APBB2: variants seen among roughly 807,000 people sequenced by gnomAD.
The protein encoded by APBB2 is amyloid beta precursor protein binding family B member 2, also known as Fe65-like 1.
A neutral mutation model predicts 82.5 loss-of-function variants in APBB2; 38 were observed. The observed-to-expected ratio is 0.46, with a 90% CI of 0.36 to 0.60. APBB2 has a LOEUF of 0.60. APBB2 is among the 20% of genes least tolerant of loss of function. The pLI is 0.00. For synonymous variants in APBB2, 341 were observed against 368.2 expected (o/e 0.93, Z 0.85); for missense variants, 772 against 972.3 (o/e 0.79, Z 2.74).
At chr4:40,829,175 G>T (rs1450130233) in intron 13 of APBB2, among the ~76,000 whole-genome samples, 1 of 152,196 alleles carries the variant, frequency 6.6e-6, no homozygotes, top group Non-Finnish European at 1.5e-5. Context: ...GGGGTGATGT[G>T]GTTGCCAAGA....
intron 1 of APBB2, among the ~76,000 whole-genome samples, chr4:41,183,739 A>T (rs1772072388): frequency 1.3e-5 from 2 of 151,580 alleles, no homozygotes; most frequent in Non-Finnish European, 2.9e-5. Context: ...ACTGTAAAAC[A>T]ATAATTTGTG....
Position 41,036,883 on chromosome 4 carries a change from G to A in APBB2, c.-50-3579C>T, listed in dbSNP as rs562530421. Among the ~76,000 whole-genome samples, 4 of 152,180 alleles carry A rather than the reference G, an allele frequency of 2.6e-5. No individual in the cohort carries two copies. The South Asian group carries it at 8.3e-4, about 32-fold the overall frequency. ...AAACAGTTTCTGAGAGGAACTTAGG[G>A]GCATGGACTAATTCTACATAAACAA... On this transcript the variant is annotated intron_variant, in intron 4 of 17. Coordinates refer to ENST00000508593, the MANE Select transcript of APBB2 (RefSeq NM_004307.2).
chr4:40,894,928 C>T (rs1773245369), intron 10 of APBB2, among the ~76,000 whole-genome samples: 1 of 152,166 alleles, frequency 6.6e-6, no homozygotes, highest in South Asian at 2.1e-4. Flanking sequence ...TGCAAGCTGT[C>T]CAGCAGTTGC....
chr4:41,009,438 T>C (rs1807703502), intron 6 of APBB2, among the ~76,000 whole-genome samples: 2 of 152,136 alleles, frequency 1.3e-5, no homozygotes, highest in South Asian at 4.1e-4. Context: ...ATTGTATACA[T>C]GATTGATTGT....
chr4:41,112,276 T>C (rs1434996877), intron 2 of APBB2, among the ~76,000 whole-genome samples: 1 of 152,182 alleles, frequency 6.6e-6, no homozygotes, highest in African/African-American at 2.4e-5. Flanking sequence ...AATACCAAGT[T>C]ATATTCCCTC....
intron 4 of APBB2, among the ~76,000 whole-genome samples, chr4:41,052,029 T>C (rs1196178820): frequency 6.6e-6 from 1 of 152,176 alleles, no homozygotes; most frequent in Non-Finnish European, 1.5e-5. Flanking sequence ...GTGTTAACTG[T>C]CACCAACATG....
chr4:40,850,286 C>T (rs1758914328), intron 12 of APBB2, among the ~76,000 whole-genome samples: 1 of 152,032 alleles, frequency 6.6e-6, no homozygotes, highest in Non-Finnish European at 1.5e-5. Context: ...TTGTAACACC[C>T]TATTATTATT....
chr4:41,180,220 T>C (rs1770950498), intron 1 of APBB2, among the ~76,000 whole-genome samples: 1 of 152,198 alleles, frequency 6.6e-6, no homozygotes, highest in Non-Finnish European at 1.5e-5. Flanking sequence ...AGGACACAAA[T>C]GCTTTTAAAC....
At chr4:41,017,910 AAT>A (rs1486349572) in intron 5 of APBB2, among the ~76,000 whole-genome samples, 1 of 152,260 alleles carries the variant, frequency 6.6e-6, no homozygotes, top group African/African-American at 2.4e-5. Context: ...AAAATCTTAC[AAT>A]GTTTCTTTAA....
intron 12 of APBB2, among the ~76,000 whole-genome samples, chr4:40,859,287 A>ATTTTTTTTTTTT (rs34512213): frequency 2.1e-5 from 3 of 141,934 alleles, no homozygotes; most frequent in African/African-American, 2.6e-5. Context: ...GGCTGCTGTC[A>ATTTTTTTTTTTT]TTTTTTTTTT....
At chr4:40,941,224 C>T (rs1033783043) in intron 7 of APBB2, among the ~76,000 whole-genome samples, 24 of 151,918 alleles carry the variant, frequency 1.6e-4, no homozygotes, top group Admixed American at 9.8e-4. Context: ...CTTCTTCTGT[C>T]CCTTAAGATT....
chr4:40,894,683 TTTTG>T (rs1773155415), intron 10 of APBB2, among the ~76,000 whole-genome samples: 1 of 152,244 alleles, frequency 6.6e-6, no homozygotes, highest in Non-Finnish European at 1.5e-5. Flanking sequence ...CTTAGAGATA[TTTTG>T]TTTGAGATCA....
At chr4:40,964,682 C>T (rs1428739970) in intron 6 of APBB2, among the ~76,000 whole-genome samples, 2 of 150,482 alleles carry the variant, frequency 1.3e-5, no homozygotes, top group African/African-American at 2.4e-5. Context: ...GGAAACAATG[C>T]AGCCCATGTA....
intron 17 of APBB2, 118 bp from the exon 18 acceptor site, chr4:40,816,377 A>C (rs1284354293): frequency 9.6e-7 from 1 of 1,042,184 alleles, no homozygotes; most frequent in Non-Finnish European, 1.4e-6. Flanking sequence ...CCTAGTTCCT[A>C]AACATAAATC....
intron 1 of APBB2, among the ~76,000 whole-genome samples, chr4:41,212,297 C>T (rs968145647): frequency 2.0e-5 from 3 of 152,132 alleles, no homozygotes; most frequent in African/African-American, 4.8e-5. Context: ...ATTCACATTA[C>T]TCCAGCTAAG....
intron 2 of APBB2, among the ~76,000 whole-genome samples, chr4:41,101,667 C>T (rs1399683575): frequency 6.6e-6 from 1 of 151,034 alleles, no homozygotes; most frequent in Admixed American, 6.6e-5. Context: ...ACTTATAACA[C>T]GCTACTTCTA....
At chr4:41,212,727 T>C (rs186534667) in intron 1 of APBB2, among the ~76,000 whole-genome samples, 17 of 152,220 alleles carry the variant, frequency 1.1e-4, no homozygotes, top group Admixed American at 2.6e-4. Flanking sequence ...AGAACAGCAA[T>C]TGAAATCTTG....
intron 12 of APBB2, among the ~76,000 whole-genome samples, chr4:40,878,584 C>A (rs910677845): frequency 4.6e-5 from 7 of 152,146 alleles, no homozygotes; most frequent in African/African-American, 1.7e-4. Context: ...TCATCCTCTC[C>A]CGCCTCAGGA....
intron 6 of APBB2, among the ~76,000 whole-genome samples, chr4:40,952,185 C>CA (rs61159163): frequency 0.11 from 11,688 of 110,518 alleles, 606 homozygotes; most frequent in Middle Eastern, 0.15. Context: ...GACTCTGTCT[C>CA]AAAAAAAAAA....
Sources: allele counts gnomAD v4.1 joint callset (sites outside exome capture counted in the v4.1 genomes callset), GRCh38; gene constraint gnomAD v4.1.1; transcripts MANE v1.5; gene names NCBI Gene and HGNC (gene_info 2026-07-23, HGNC 2026-07-21).